The following SBF2 variants were observed in gnomAD, a reference collection of about 807,000 sequenced individuals.
SBF2 encodes the protein myotubularin-related protein 13.
A neutral mutation model predicts 225.2 loss-of-function variants in SBF2; 112 were observed. The ratio of observed to expected loss-of-function variants is 0.50; its 90% CI spans 0.43 to 0.58. The LOEUF (loss-of-function observed/expected upper bound fraction) is 0.58, where lower values mean the gene tolerates loss of function less well. Ranked by LOEUF, SBF2 falls within the 20% of genes least tolerant of loss-of-function variation. The probability of loss-of-function intolerance (pLI) is 0.00; values close to 1 mark genes in which losing one functional copy is unlikely to be tolerated. For missense variants in SBF2, 1,996 were observed against 2,206.2 expected (o/e 0.90, Z 1.91); for synonymous variants, 763 against 773.3 (o/e 0.99, Z 0.22).
intron 2 of SBF2, among the ~76,000 whole-genome samples, chr11:10,145,375 T>C (rs1418269106): frequency 1.3e-5 from 2 of 152,170 alleles, no homozygotes; most frequent in South Asian, 2.1e-4. Context: ...GGAATACATC[T>C]GGATCATTAT....
intron 2 of SBF2, among the ~76,000 whole-genome samples, chr11:10,097,567 G>T (rs1354624028): frequency 1.3e-5 from 2 of 151,942 alleles, no homozygotes; most frequent in Non-Finnish European, 2.9e-5. Context: ...CAAAAATTTG[G>T]CATCAAGATG....
At chr11:9,823,289 C>A (rs537176352) in intron 28 of SBF2, among the ~76,000 whole-genome samples, 8 of 152,102 alleles carry the variant, frequency 5.3e-5, no homozygotes, top group Non-Finnish European at 1.0e-4. Context: ...TAGGAACTCA[C>A]CAACATGCAT....
In SBF2 at chr11:9,995,419, T is replaced by C. The variant is rs149225117; in HGVS notation, c.976-1421A>G. Among the ~76,000 whole-genome samples, 120 of 152,306 alleles carry C rather than the reference T, an allele frequency of 7.9e-4. No individual in the cohort carries two copies. In the East Asian group the frequency reaches 0.021, roughly 26 times the overall value. Reference sequence around the variant, plus strand: ...GCAACACTTAAAGGCAACACTAAAATATTGGCAGTTCAAGTCACTGAATCA... The same window carrying C: ...GCAACACTTAAAGGCAACACTAAAACATTGGCAGTTCAAGTCACTGAATCA... On this transcript the variant is annotated intron_variant, in intron 9 of 39. Coordinates refer to ENST00000256190, the MANE Select transcript of SBF2 (RefSeq NM_030962.4).
chr11:9,807,682 C>T (rs986836806), intron 32 of SBF2, among the ~76,000 whole-genome samples: 5 of 152,140 alleles, frequency 3.3e-5, no homozygotes, highest in East Asian at 1.9e-4. Context: ...TTTCAGGACC[C>T]GTATTACCTA....
intron 2 of SBF2, among the ~76,000 whole-genome samples, chr11:10,164,149 A>G (rs1193574828): frequency 1.3e-5 from 2 of 152,240 alleles, no homozygotes; most frequent in East Asian, 3.9e-4. Flanking sequence ...TCATATTGTC[A>G]CCATCTTGGA....
chr11:9,788,832 C>T (rs568227885), intron 35 of SBF2, among the ~76,000 whole-genome samples: 2 of 150,824 alleles, frequency 1.3e-5, no homozygotes, highest in East Asian at 3.9e-4. Flanking sequence ...GTCTCGATCT[C>T]CTGACCTTGT....
chr11:9,960,656 AAAT>A (rs35244068), intron 16 of SBF2: 2 of 151,328 alleles, frequency 1.3e-5, no homozygotes, highest in Non-Finnish European at 2.9e-5. Flanking sequence ...ACACTGTCTT[AAAT>A]AATAATAATT....
intron 2 of SBF2, among the ~76,000 whole-genome samples, chr11:10,121,018 G>A (rs1953418792): frequency 6.6e-6 from 1 of 152,008 alleles, no homozygotes; most frequent in African/African-American, 2.4e-5. Flanking sequence ...TACCTGCCTC[G>A]GCCTCCCAAA....
chr11:10,177,121 G>T (rs1402797618), intron 2 of SBF2, among the ~76,000 whole-genome samples: 4 of 151,722 alleles, frequency 2.6e-5, no homozygotes, highest in African/African-American at 9.7e-5. Context: ...TGCACAAAAG[G>T]CCTTTGACAA....
chr11:9,956,049 T>G (rs1362330748), intron 16 of SBF2, among the ~76,000 whole-genome samples: 1 of 152,158 alleles, frequency 6.6e-6, no homozygotes, highest in East Asian at 1.9e-4. Context: ...CTTTTTATTT[T>G]TGTACAGAAT....
intron 6 of SBF2, among the ~76,000 whole-genome samples, chr11:10,018,185 CT>C (rs1467914498): frequency 2.0e-5 from 3 of 152,084 alleles, no homozygotes; most frequent in Admixed American, 6.6e-5. Flanking sequence ...CCTTTCTTCC[CT>C]TCTGCCACTA....
At chr11:9,999,362 C>A (rs1015795811) in intron 8 of SBF2, among the ~76,000 whole-genome samples, 1 of 151,538 alleles carries the variant, frequency 6.6e-6, no homozygotes, top group East Asian at 1.9e-4. Flanking sequence ...TTACTCTCGC[C>A]CAGGCTGGAG....
intron 38 of SBF2, chr11:9,783,073 G>GTATCTATC (rs10641134): frequency 2.6e-5 from 4 of 151,354 alleles, no homozygotes; most frequent in Non-Finnish European, 4.4e-5. Flanking sequence ...GGAAAAAACT[G>GTATCTATC]TATCTATCTT....
upstream of SBF2, among the ~76,000 whole-genome samples, chr11:10,298,052 A>G (rs1964564193): frequency 6.6e-6 from 1 of 152,250 alleles, no homozygotes; most frequent in South Asian, 2.1e-4. Context: ...GGTATGTAAC[A>G]CTATCATGAT....
chr11:9,839,338 C>T (rs895172403), intron 26 of SBF2, 160 bp downstream of exon 26: 94 of 750,596 alleles, frequency 1.3e-4, no homozygotes, highest in African/African-American at 1.2e-3. Context: ...GTAATTGTTC[C>T]GAGAATGCCA....
intron 2 of SBF2, among the ~76,000 whole-genome samples, chr11:10,096,857 CA>C (rs1256735791): frequency 2.6e-5 from 4 of 152,000 alleles, no homozygotes; most frequent in Admixed American, 6.6e-5. Flanking sequence ...GCTAATCATT[CA>C]TTTTTTTTCT....
intron 1 of SBF2, among the ~76,000 whole-genome samples, chr11:10,200,408 G>A (rs931501014): frequency 6.6e-6 from 1 of 152,134 alleles, no homozygotes; most frequent in Admixed American, 6.5e-5. Context: ...ATAGTGTAGA[G>A]AAGAAAACTA....
At chr11:9,974,099 G>A (rs976711031) in intron 13 of SBF2, among the ~76,000 whole-genome samples, 1 of 152,118 alleles carries the variant, frequency 6.6e-6, no homozygotes, top group African/African-American at 2.4e-5. Context: ...ACATGACATT[G>A]ATGGAATGAC....
intron 16 of SBF2, among the ~76,000 whole-genome samples, chr11:9,945,232 C>T (rs1213482126): frequency 1.3e-5 from 2 of 152,166 alleles, no homozygotes; most frequent in Admixed American, 6.5e-5. Context: ...CAGGATGGCA[C>T]TGGTACAAAA....
Sources: gnomAD v4.1 joint callset for allele counts (sites outside exome capture counted in the v4.1 genomes callset) on GRCh38, gnomAD v4.1.1 for gene constraint, MANE v1.5 for transcripts, NCBI Gene and HGNC (gene_info 2026-07-23, HGNC 2026-07-21) for gene names.